The following SRGAP1 variants were observed in gnomAD, a reference collection of about 807,000 sequenced individuals.
The protein encoded by SRGAP1 is SLIT-ROBO Rho GTPase-activating protein 1.
A neutral mutation model predicts 121.9 loss-of-function variants in SRGAP1; 43 were observed. The ratio of observed to expected loss-of-function variants is 0.35; its 90% CI spans 0.28 to 0.46. The LOEUF is 0.46. SRGAP1 is among the 20% of genes least tolerant of loss of function. SRGAP1 has a pLI of 1.00. For missense variants in SRGAP1, 1,102 were observed against 1,350.9 expected, an observed-to-expected ratio of 0.82 and a Z score of 2.89; for synonymous variants, 447 against 485.4, an observed-to-expected ratio of 0.92 and a Z score of 1.04.
At chr12:64,103,400 T>C (rs2036290313) in intron 15 of SRGAP1, among the ~76,000 whole-genome samples, 1 of 152,248 alleles carries the variant, frequency 6.6e-6, no homozygotes, top group African/African-American at 2.4e-5. Context: ...TTCTATTTTA[T>C]GTAACAAATC....
chr12:64,132,751 T>C (rs1034470048), intron 21 of SRGAP1, among the ~76,000 whole-genome samples: 2 of 152,232 alleles, frequency 1.3e-5, no homozygotes, highest in African/African-American at 4.8e-5. Context: ...ATCAATGTAA[T>C]GGACCAGTGT....
At chr12:63,871,973 G>T in intron 1 of SRGAP1, 3 of 1,035,540 alleles carry the variant, frequency 2.9e-6, no homozygotes, top group Non-Finnish European at 4.6e-6. Flanking sequence ...ATGAATCCTT[G>T]CCCTTCTTAT....
chr12:64,093,965 A>G (rs2036104475), intron 12 of SRGAP1, among the ~76,000 whole-genome samples: 1 of 152,192 alleles, frequency 6.6e-6, no homozygotes, highest in African/African-American at 2.4e-5. Context: ...GTTCTAATAT[A>G]TTAAGACAAC....
chr12:64,115,400 A>G (rs2036501740), intron 17 of SRGAP1, among the ~76,000 whole-genome samples: 1 of 152,168 alleles, frequency 6.6e-6, no homozygotes, highest in Non-Finnish European at 1.5e-5. Flanking sequence ...ATTGACAACT[A>G]TCCAATTACT....
chr12:64,147,944 AC>A lies in SRGAP1; in HGVS notation c.*5273del, dbSNP rs1389350349. The A allele has an allele frequency of 6.1e-6, 2 of 326,656 alleles. No homozygotes were observed. The highest frequency in any genetic ancestry group is 4.2e-5 in the African/African-American group (2 of 47,126). 20.2% of individuals were successfully genotyped at this position (326,656 alleles called of 1,614,324 possible). ...GCTAGCTTGCATTAAATAATGTGAA[AC>A]TTTTACCTTTAAAATATTTTTTTAT... On this transcript the variant is annotated 3_prime_UTR_variant, in exon 22 of 22. Transcript: ENST00000355086.
intron 6 of SRGAP1, among the ~76,000 whole-genome samples, chr12:64,055,614 C>T (rs1327537682): frequency 6.6e-6 from 1 of 151,808 alleles, no homozygotes; most frequent in Non-Finnish European, 1.5e-5. Flanking sequence ...TACTACAAGG[C>T]TACAGTAACC....
At chr12:63,969,651 G>A (rs1430187157) in intron 1 of SRGAP1, among the ~76,000 whole-genome samples, 3 of 151,950 alleles carry the variant, frequency 2.0e-5, no homozygotes, top group South Asian at 2.1e-4. Flanking sequence ...AAAATTAGCC[G>A]GGCGTGGTGG....
At chr12:63,995,192 C>T (rs1407531954) in intron 3 of SRGAP1, among the ~76,000 whole-genome samples, 1 of 152,090 alleles carries the variant, frequency 6.6e-6, no homozygotes, top group African/African-American at 2.4e-5. Context: ...ATTTTTTATC[C>T]TTCCTTGGTT....
intron 1 of SRGAP1, among the ~76,000 whole-genome samples, chr12:63,932,187 A>G (rs56236229): frequency 0.019 from 2,854 of 152,306 alleles, 86 homozygotes; most frequent in African/African-American, 0.065. Context: ...AGGGTGAGGC[A>G]GGAGAATGCC....
intron 4 of SRGAP1, among the ~76,000 whole-genome samples, chr12:64,040,919 T>C (rs982018779): frequency 3.3e-5 from 5 of 152,180 alleles, no homozygotes; most frequent in African/African-American, 1.2e-4. Context: ...TGAAAATTTG[T>C]CCTAGGAAAT....
At chr12:64,060,349 A>G (rs2035427920) in intron 6 of SRGAP1, among the ~76,000 whole-genome samples, 1 of 151,564 alleles carries the variant, frequency 6.6e-6, no homozygotes, top group South Asian at 2.1e-4. Context: ...CTAGGACCAC[A>G]GCACCCACCC....
intron 18 of SRGAP1, 75 bp from the exon 19 acceptor site, chr12:64,125,902 A>G: frequency 6.8e-7 from 1 of 1,475,028 alleles, no homozygotes; most frequent in Non-Finnish European, 9.3e-7. Context: ...GAAGCCTCAT[A>G]GAGCCCTCAC....
chr12:63,891,983 C>CAAAAAAAAAAAAAAAAAAA (rs10716009), intron 1 of SRGAP1, among the ~76,000 whole-genome samples: 3 of 96,342 alleles, frequency 3.1e-5, no homozygotes, highest in African/African-American at 4.1e-5. Flanking sequence ...AAGACTGTCT[C>CAAAAAAAAAAAAAAAAAAA]AAAAAAAAAA....
intron 1 of SRGAP1, among the ~76,000 whole-genome samples, chr12:63,851,751 G>A (rs1899082355): frequency 6.6e-6 from 1 of 151,738 alleles, no homozygotes; most frequent in African/African-American, 2.4e-5. Context: ...ATTTTTGGTA[G>A]AGACAGAGTT....
intron 4 of SRGAP1, among the ~76,000 whole-genome samples, chr12:64,020,613 C>T (rs563910926): frequency 2.0e-5 from 3 of 152,176 alleles, no homozygotes; most frequent in African/African-American, 7.2e-5. Context: ...GAGGCCAAGG[C>T]GGGTGGATCA....
Position 63,989,901 on chromosome 12 carries a change from A to C in SRGAP1, c.264-9A>C. 1 of 1,585,874 alleles carries C rather than the reference A, an allele frequency of 6.3e-7. No homozygotes were observed. The highest frequency in any genetic ancestry group is 8.5e-7 in the Non-Finnish European group (1 of 1,170,910). On this transcript the variant is annotated splice_polypyrimidine_tract_variant and intron_variant, in intron 2 of 21. Coordinates refer to ENST00000355086, the MANE Select transcript of SRGAP1 (RefSeq NM_020762.4). ...ATGGGTGGTAATTCTGTGTTTCTTCACTTCTTAGGAAAGACCAGAACCTGT... is the reference window on the plus strand; with the variant it reads ...ATGGGTGGTAATTCTGTGTTTCTTCCCTTCTTAGGAAAGACCAGAACCTGT...
rs11829405 is a variant in SRGAP1 at position 64,135,706 on chromosome 12, A to C, written c.2881-6589A>C. On this transcript the variant is annotated intron_variant, in intron 21 of 21. Coordinates refer to ENST00000355086, the MANE Select transcript of SRGAP1 (RefSeq NM_020762.4). ...TAAAGTCCTTAGTATTTTTTGGTCTAATCATATAAAGCAGAAGCCCCAAAA... is the reference window on the plus strand; with the variant it reads ...TAAAGTCCTTAGTATTTTTTGGTCTCATCATATAAAGCAGAAGCCCCAAAA... Among the ~76,000 whole-genome samples, 1,327 of 152,244 alleles carry C rather than the reference A, an allele frequency of 8.7e-3. 15 individuals carry two copies. Among genetic ancestry groups the C allele is most frequent in the African/African-American group, 0.03 (1,242 of 41,540 alleles).
chr12:63,998,058 C>T (rs2033764380), intron 3 of SRGAP1, among the ~76,000 whole-genome samples: 1 of 152,176 alleles, frequency 6.6e-6, no homozygotes, highest in Admixed American at 6.6e-5. Context: ...CCTCCCTTCC[C>T]CAGCTTTATT....
intron 1 of SRGAP1, among the ~76,000 whole-genome samples, chr12:63,951,932 G>A (rs1216247619): frequency 6.6e-6 from 1 of 151,710 alleles, no homozygotes; most frequent in East Asian, 1.9e-4. Flanking sequence ...TTTTGGGTTT[G>A]TGTGTGTGTG....
Sources: allele counts gnomAD v4.1 joint callset (sites outside exome capture counted in the v4.1 genomes callset), GRCh38; gene constraint gnomAD v4.1.1; transcripts MANE v1.5; gene names NCBI Gene and HGNC (gene_info 2026-07-23, HGNC 2026-07-21).